The following NHSL1 variants were observed in gnomAD, a reference collection of about 807,000 sequenced individuals.
The protein encoded by NHSL1 is NHS like 1.
NHSL1 carries 48 observed loss-of-function variants against 95.0 expected under a neutral mutation model. The ratio of observed to expected loss-of-function variants is 0.51; its 90% CI spans 0.40 to 0.64. The LOEUF (loss-of-function observed/expected upper bound fraction) is 0.64, where lower values mean the gene tolerates loss of function less well. Among genes scored for constraint, NHSL1 ranks in the 30% least tolerant of loss-of-function variants. NHSL1 has a pLI of 0.00. For synonymous variants in NHSL1, 783 were observed against 833.9 expected (o/e 0.94, Z 1.05); for missense variants, 1,971 against 2,077.7 (o/e 0.95, Z 1.00).
At chr6:138,667,267 A>T (rs1785307468) in intron 1 of NHSL1, among the ~76,000 whole-genome samples, 1 of 152,234 alleles carries the variant, frequency 6.6e-6, no homozygotes, top group South Asian at 2.1e-4. Flanking sequence ...CCCATTTCTA[A>T]TTTTAATTAA....
intron 1 of NHSL1, among the ~76,000 whole-genome samples, chr6:138,635,870 T>C (rs971656099): frequency 1.2e-4 from 18 of 151,212 alleles, no homozygotes; most frequent in Admixed American, 9.9e-4. Flanking sequence ...TCCCAGCACT[T>C]TGGGAGGCTG....
chr6:138,519,260 T>C lies in NHSL1; in HGVS notation c.17-22889A>G, dbSNP rs568360066. Among the ~76,000 whole-genome samples, 61 of 151,924 alleles carry C rather than the reference T, an allele frequency of 4.0e-4. 1 individual carries two copies. Among genetic ancestry groups the C allele is most frequent in the Non-Finnish European group, 7.6e-4 (52 of 67,986 alleles). Reference sequence around the variant, plus strand: ...AAAGCATAATTTAGTAGTAGAAATTTAAAAGAAAGTGAATCTTCAAAAAAA... The same window carrying C: ...AAAGCATAATTTAGTAGTAGAAATTCAAAAGAAAGTGAATCTTCAAAAAAA... On this transcript the variant is annotated intron_variant, in intron 1 of 4. Coordinates refer to the NHSL1 transcript ENST00000342260.
intron 1 of NHSL1, among the ~76,000 whole-genome samples, chr6:138,588,672 A>G (rs1026961410): frequency 5.3e-5 from 8 of 152,218 alleles, no homozygotes; most frequent in African/African-American, 1.9e-4. Flanking sequence ...TGAGATTAAT[A>G]CAGCAAGCTG....
intron 1 of NHSL1, among the ~76,000 whole-genome samples, chr6:138,619,784 C>T (rs1784629044): frequency 6.6e-6 from 1 of 151,966 alleles, no homozygotes; most frequent in Non-Finnish European, 1.5e-5. Flanking sequence ...CCCATCTCTA[C>T]TAAAAATACA....
chr6:138,430,871 G>A lies in NHSL1; in HGVS notation c.3474C>T (p.Gly1158=), dbSNP rs1435233358. 1 of 1,551,144 alleles carries A rather than the reference G, an allele frequency of 6.4e-7. No individual in the cohort carries two copies. The highest frequency in any genetic ancestry group is 2.0e-5 in the Admixed American group (1 of 51,006). The part of the protein sequence containing the change: ...GDHGSAAERG[G]PVSRSPGAPS... ...GAGCTCCAGGGCTGCGGCTCACAGG[G>A]CCACCACGCTCAGCCGCACTGCCAT... The change falls in exon 6 of 8, where the codon GGC becomes GGT. Residue 1158 remains glycine (G), a synonymous_variant. Transcript: ENST00000343505. This position sits in a 1 kb window ranked among gnomAD's most constrained non-coding sequence, Gnocchi z 4.7.
chr6:138,572,031 T>A (rs79192944), exon 1 of NHSL1: 25,749 of 720,942 alleles, frequency 0.036, 556 homozygotes, highest in Admixed American at 0.056. Context: ...ACGCTGACAG[T>A]CAGGCACCGC....
chr6:138,647,756 C>T (rs1191943116), intron 1 of NHSL1, among the ~76,000 whole-genome samples: 4 of 151,908 alleles, frequency 2.6e-5, no homozygotes, highest in Non-Finnish European at 4.4e-5. Flanking sequence ...GCGCGCCATG[C>T]CCGGCTAATT....
At chr6:138,528,868 T>C (rs1782019189) in intron 1 of NHSL1, among the ~76,000 whole-genome samples, 1 of 152,192 alleles carries the variant, frequency 6.6e-6, no homozygotes, top group African/African-American at 2.4e-5. Context: ...GATTAGTATG[T>C]TTCCAGTGTT....
At chr6:138,539,779 G>A (rs1029717116) in intron 1 of NHSL1, among the ~76,000 whole-genome samples, 3 of 152,162 alleles carry the variant, frequency 2.0e-5, no homozygotes, top group African/African-American at 7.2e-5. Flanking sequence ...GAAACAAGCA[G>A]ACCCCAAGTT....
chr6:138,466,821 C>T (rs767000426), intron 3 of NHSL1, among the ~76,000 whole-genome samples: 2 of 152,056 alleles, frequency 1.3e-5, no homozygotes, highest in Non-Finnish European at 2.9e-5. Context: ...CAGTGGCTCA[C>T]ACCTGTAATC....
At chr6:138,672,197 G>T (rs1189245461) in intron 1 of NHSL1, among the ~76,000 whole-genome samples, 1 of 152,164 alleles carries the variant, frequency 6.6e-6, no homozygotes, top group Non-Finnish European at 1.5e-5. Context: ...TATACAGCAT[G>T]AAATGAAAAC....
Position 138,423,344 on chromosome 6 carries a change from A to G in NHSL1, c.*737T>C, listed in dbSNP as rs944602578. The G allele has an allele frequency of 6.6e-6, 1 of 152,198 alleles. No individual in the cohort carries two copies. The highest frequency in any genetic ancestry group is 2.4e-5 in the African/African-American group (1 of 41,444). The allele number at this position is 152,198 out of a possible 1,614,324, so 9.4% of individuals were successfully genotyped here. On this transcript the variant is annotated 3_prime_UTR_variant, in exon 8 of 8. Transcript: ENST00000343505. The stretch of plus-strand genomic sequence containing the variant: ...TAAAAAATTACCCACACTTCTAAAA[A>G]TCAGGCTACAATTGTGTGTATGTGG...
intron 1 of NHSL1, among the ~76,000 whole-genome samples, chr6:138,625,079 A>G (rs922349769): frequency 6.6e-6 from 1 of 152,216 alleles, no homozygotes; most frequent in African/African-American, 2.4e-5. Context: ...ATATTAATTT[A>G]CAAAGATATA....
In NHSL1 at chr6:138,428,077, C is replaced by A. The variant is rs147570860; in HGVS notation, c.4085+1634G>T. 2.7e-3 allele frequency among the ~76,000 whole-genome samples: 414 copies of A among 152,260 alleles called. 4 individuals carry two copies. The highest frequency in any genetic ancestry group is 9.2e-3 in the African/African-American group (384 of 41,546). ...GAAGGTTGCCAAAATATAGAAGAGG[C>A]CTTTGGCATATTTTTGGGAAAAAAT... On this transcript the variant is annotated intron_variant, in intron 7 of 7. Coordinates refer to ENST00000343505, the MANE Select transcript of NHSL1 (RefSeq NM_001144060.2).
Position 138,460,547 on chromosome 6 carries a change from A to T in NHSL1, c.339+12759T>A, listed in dbSNP as rs537357302. Among the ~76,000 whole-genome samples, 3 of 152,056 alleles carry T rather than the reference A, an allele frequency of 2.0e-5. No homozygotes were observed. In the East Asian group the frequency reaches 5.8e-4, roughly 29 times the overall value. ...ACATAGCATTTACATTATATTAGTT[A>T]TTATAAGTAATCTAGAGGTGATCTA... On this transcript the variant is annotated intron_variant, in intron 3 of 7. Coordinates refer to ENST00000343505, the MANE Select transcript of NHSL1 (RefSeq NM_001144060.2).
intron 1 of NHSL1, among the ~76,000 whole-genome samples, chr6:138,612,834 T>C (rs989659144): frequency 6.6e-6 from 1 of 152,214 alleles, no homozygotes; most frequent in African/African-American, 2.4e-5. Context: ...GATTTAGTTT[T>C]TTCAAAAATT....
rs76179874 is a variant in NHSL1, at chr6:138,444,930, A to C, written c.532+2071T>G. Among the ~76,000 whole-genome samples the C allele has an allele frequency of 8.0e-3, 1,218 of 152,322 alleles. 31 individuals are homozygous for C. The highest frequency in any genetic ancestry group is 0.074 in the East Asian group (382 of 5,178). ...CTTTTGGCATTTCTGCAAAATGTTA[A>C]TCACTCGATTAAAAGTAAATTACAT... is the stretch of plus-strand genomic sequence containing the variant. On this transcript the variant is annotated intron_variant, in intron 4 of 7. Transcript: ENST00000343505.
At chr6:138,501,239 A>G (rs1324355166), upstream of NHSL1, among the ~76,000 whole-genome samples, 1 of 152,222 alleles carries the variant, frequency 6.6e-6, no homozygotes, top group Non-Finnish European at 1.5e-5. Flanking sequence ...AGATTCGTTC[A>G]TCAGAAAGAT....
intron 1 of NHSL1, among the ~76,000 whole-genome samples, chr6:138,626,894 A>C (rs1271690676): frequency 5.0e-5 from 2 of 39,810 alleles, no homozygotes; most frequent in Non-Finnish European, 8.1e-5. Flanking sequence ...ACTCCGTCTC[A>C]AAAAAAAAAA....
Sources: gnomAD v4.1 joint callset for allele counts (sites outside exome capture counted in the v4.1 genomes callset) on GRCh38, gnomAD v4.1.1 for gene constraint, Gnocchi (gnomAD v3.1) non-coding constraint, MANE v1.5 for transcripts, NCBI Gene and HGNC (gene_info 2026-07-23, HGNC 2026-07-21) for gene names.